UBASH3B: variants seen among roughly 807,000 people sequenced by gnomAD.
UBASH3B encodes ubiquitin associated and SH3 domain containing B, also known as ubiquitin-associated and SH3 domain-containing protein B.
In UBASH3B, 37 loss-of-function variants were observed where a neutral mutation model predicts 83.4. That is an observed-to-expected ratio of 0.44 (90% CI 0.34 to 0.58). UBASH3B has a LOEUF of 0.58. Among genes scored for constraint, UBASH3B ranks in the 20% least tolerant of loss-of-function variants. The pLI is 0.01. For missense variants in UBASH3B, 657 were observed against 827.2 expected (o/e 0.79, Z 2.52); for synonymous variants, 304 against 318.3 (o/e 0.96, Z 0.48).
chr11:122,774,960 CT>C (rs1183652605), intron 1 of UBASH3B, among the ~76,000 whole-genome samples: 1 of 152,142 alleles, frequency 6.6e-6, no homozygotes, highest in Non-Finnish European at 1.5e-5. Flanking sequence ...CAGGTTAGAT[CT>C]CCCTGTCCTA....
At position 122,813,623 on chromosome 11, in the gene UBASH3B, C is replaced by T. The variant is rs1041106272; in HGVS notation, c.*3737C>T. On this transcript the variant is annotated 3_prime_UTR_variant, in exon 14 of 14. Coordinates refer to ENST00000284273, the MANE Select transcript of UBASH3B (RefSeq NM_032873.5). ...CAGCACACGTGTGAGAAAGAAGAGGCACTAGTCTAAAAGGCTGCATTGCGG... is the reference window on the plus strand; with the variant it reads ...CAGCACACGTGTGAGAAAGAAGAGGTACTAGTCTAAAAGGCTGCATTGCGG... The T allele has an allele frequency of 6.6e-6, 1 of 152,096 alleles. No homozygotes were observed. The highest frequency in any genetic ancestry group is 2.4e-5 in the African/African-American group (1 of 41,402). The allele number at this position is 152,096 out of a possible 1,614,324, so 9.4% of individuals were successfully genotyped here. A position where few individuals can be genotyped will look rare whatever the true frequency, so the allele number is the denominator to read the frequency against.
At position 122,685,549 on chromosome 11, in the gene UBASH3B, C is replaced by T. The variant is rs185822273; in HGVS notation, c.161+29339C>T. Reference sequence around the variant, plus strand: ...TTACTATTATTATTTTTTTGTGTCGCTCTGTCACCCAAGCTGAAGTGCAGT... The same window carrying T: ...TTACTATTATTATTTTTTTGTGTCGTTCTGTCACCCAAGCTGAAGTGCAGT... On this transcript the variant is annotated intron_variant, in intron 1 of 13. Transcript: ENST00000284273. Among the ~76,000 whole-genome samples, 348 of 152,232 alleles carry T rather than the reference C, an allele frequency of 2.3e-3. 2 individuals carry two copies. Among genetic ancestry groups the T allele is most frequent in the African/African-American group, 7.6e-3 (314 of 41,538 alleles).
intron 1 of UBASH3B, among the ~76,000 whole-genome samples, chr11:122,746,958 G>A (rs141353306): frequency 1.2e-3 from 186 of 152,268 alleles, no homozygotes; most frequent in Non-Finnish European, 1.2e-3. Flanking sequence ...GGCAGAAAAG[G>A]GGGAATGTGG....
At chr11:122,733,961 C>T (rs1296912738) in intron 1 of UBASH3B, among the ~76,000 whole-genome samples, 1 of 152,160 alleles carries the variant, frequency 6.6e-6, no homozygotes, top group Non-Finnish European at 1.5e-5. Context: ...TCTCAGCTCA[C>T]TGTAACCTCC....
At chr11:122,725,341 A>AAG (rs1759770669) in intron 1 of UBASH3B, among the ~76,000 whole-genome samples, 1 of 144,126 alleles carries the variant, frequency 6.9e-6, no homozygotes, top group Non-Finnish European at 1.5e-5. Flanking sequence ...AAAAAAAAAA[A>AAG]AAAGAAAAGA....
At chr11:122,785,885 A>T (rs1860939663) in intron 5 of UBASH3B, among the ~76,000 whole-genome samples, 1 of 152,202 alleles carries the variant, frequency 6.6e-6, no homozygotes, top group Non-Finnish European at 1.5e-5. Context: ...TGCAGCTATT[A>T]TTGTGAGTGA....
chr11:122,723,135 G>A (rs866006108), intron 1 of UBASH3B, among the ~76,000 whole-genome samples: 2 of 152,030 alleles, frequency 1.3e-5, no homozygotes, highest in African/African-American at 4.8e-5. Context: ...TCCTCCTGGC[G>A]ATTTTAATTC....
chr11:122,709,576 TC>T (rs1177032783), intron 1 of UBASH3B: 2 of 152,298 alleles, frequency 1.3e-5, no homozygotes, highest in Non-Finnish European at 2.9e-5. Flanking sequence ...CTGCTTTGAT[TC>T]CCTTATTAAA....
intron 3 of UBASH3B, among the ~76,000 whole-genome samples, chr11:122,779,189 C>G (rs1447737388): frequency 7.2e-5 from 11 of 152,222 alleles, no homozygotes; most frequent in Non-Finnish European, 1.3e-4. Flanking sequence ...TCTCCCCAAT[C>G]TCGCTCCCCT....
intron 11 of UBASH3B, among the ~76,000 whole-genome samples, chr11:122,802,585 C>T (rs564592376): frequency 1.3e-3 from 198 of 152,222 alleles, no homozygotes; most frequent in African/African-American, 4.4e-3. Context: ...AGGTAATAGA[C>T]AATATATTCT....
intron 1 of UBASH3B, among the ~76,000 whole-genome samples, chr11:122,706,618 G>A (rs1361367952): frequency 6.6e-6 from 1 of 152,154 alleles, no homozygotes; most frequent in East Asian, 1.9e-4. Flanking sequence ...TGATGAGTTT[G>A]AGGCTTGCTG....
chr11:122,740,855 T>C (rs1158650762), intron 1 of UBASH3B, among the ~76,000 whole-genome samples: 1 of 152,212 alleles, frequency 6.6e-6, no homozygotes, highest in Non-Finnish European at 1.5e-5. Context: ...TTCACTATAT[T>C]ACTTTTAAAG....
chr11:122,669,557 C>T (rs898161580), intron 1 of UBASH3B, among the ~76,000 whole-genome samples: 21 of 152,188 alleles, frequency 1.4e-4, no homozygotes, highest in African/African-American at 4.8e-4. Flanking sequence ...TTCTGTCAGC[C>T]ACAGCATGTG....
At chr11:122,719,040 A>T (rs1860578582) in intron 1 of UBASH3B, among the ~76,000 whole-genome samples, 1 of 152,164 alleles carries the variant, frequency 6.6e-6, no homozygotes, top group South Asian at 2.1e-4. Flanking sequence ...GTCTCTCAAA[A>T]ATAAATAAAA....
chr11:122,690,725 C>T (rs2135919349), intron 1 of UBASH3B, among the ~76,000 whole-genome samples: 1 of 152,284 alleles, frequency 6.6e-6, no homozygotes, highest in African/African-American at 2.4e-5. Flanking sequence ...AAAACTCACG[C>T]TTGTTGCCTT....
intron 1 of UBASH3B, among the ~76,000 whole-genome samples, chr11:122,771,379 C>T (rs1346400597): frequency 6.6e-6 from 1 of 151,994 alleles, no homozygotes; most frequent in East Asian, 1.9e-4. Flanking sequence ...ATTACAGGCA[C>T]CCACCACCAC....
chr11:122,753,560 G>A (rs1861235384), intron 1 of UBASH3B, among the ~76,000 whole-genome samples: 2 of 141,170 alleles, frequency 1.4e-5, no homozygotes, highest in East Asian at 2.1e-4. Context: ...GTGAAATGGC[G>A]AACTCAGCTC....
chr11:122,665,001 C>T (rs942924091), intron 1 of UBASH3B, among the ~76,000 whole-genome samples: 6 of 152,220 alleles, frequency 3.9e-5, no homozygotes, highest in Admixed American at 2.0e-4. Flanking sequence ...CTCCGCCCCC[C>T]GGGTTCACTT....
chr11:122,669,231 G>A (rs188986965), intron 1 of UBASH3B, among the ~76,000 whole-genome samples: 11 of 152,264 alleles, frequency 7.2e-5, no homozygotes, highest in East Asian at 3.9e-4. Flanking sequence ...ACGTCAACGC[G>A]TCAATAGAAC....
Sources: gnomAD v4.1 joint callset for allele counts (sites outside exome capture counted in the v4.1 genomes callset) on GRCh38, gnomAD v4.1.1 for gene constraint, MANE v1.5 for transcripts, NCBI Gene and HGNC (gene_info 2026-07-23, HGNC 2026-07-21) for gene names.